The following RBFOX1 variants were observed in gnomAD, a reference collection of about 807,000 sequenced individuals.
RBFOX1 encodes RNA binding fox-1 homolog 1.
Under a neutral mutation model 57.7 loss-of-function variants are expected in RBFOX1, and 8 were observed. That is an observed-to-expected ratio of 0.14 (90% CI 0.08 to 0.25). RBFOX1 has a LOEUF of 0.25. RBFOX1 is among the 10% of genes least tolerant of loss of function. RBFOX1 has a pLI of 1.00. For synonymous variants in RBFOX1, 326 were observed against 222.4 expected, an observed-to-expected ratio of 1.47 and a Z score of -4.15; for missense variants, 611 against 548.5, an observed-to-expected ratio of 1.11 and a Z score of -1.14.
At chr16:5,821,497 CT>C (rs1339253587) in intron 3 of RBFOX1, among the ~76,000 whole-genome samples, 1 of 151,946 alleles carries the variant, frequency 6.6e-6, no homozygotes, top group Non-Finnish European at 1.5e-5. Context: ...GACATGAGGT[CT>C]TGCTATGGTG....
chr16:7,045,224 G>T (rs2047499717), intron 3 of RBFOX1, among the ~76,000 whole-genome samples: 1 of 152,110 alleles, frequency 6.6e-6, no homozygotes, highest in Non-Finnish European at 1.5e-5. Context: ...GGAGTATGGT[G>T]GTGGTGGTGG....
At chr16:6,707,400 T>A (rs1450554368) in intron 3 of RBFOX1, among the ~76,000 whole-genome samples, 7 of 152,028 alleles carry the variant, frequency 4.6e-5, no homozygotes, top group Admixed American at 4.6e-4. Context: ...AAATCATACG[T>A]TAACAGCTCC....
chr16:6,094,636 C>G (rs369534136), intron 1 of RBFOX1, among the ~76,000 whole-genome samples: 1 of 152,126 alleles, frequency 6.6e-6, no homozygotes, highest in Non-Finnish European at 1.5e-5. Flanking sequence ...GTTTTTATTC[C>G]AAGTTCTCCA....
intron 3 of RBFOX1, chr16:6,775,792 G>A (rs543717319): frequency 3.9e-5 from 6 of 152,320 alleles, no homozygotes; most frequent in East Asian, 1.9e-4. Context: ...ACAAATGCGT[G>A]AACCACAGTC....
At chr16:6,709,942 T>C (rs1023082640) in intron 3 of RBFOX1, among the ~76,000 whole-genome samples, 13 of 152,144 alleles carry the variant, frequency 8.5e-5, no homozygotes, top group African/African-American at 2.9e-4. Flanking sequence ...GTGAATCACT[T>C]GGCAATTTTG....
intron 4 of RBFOX1, among the ~76,000 whole-genome samples, chr16:7,282,217 C>T (rs1010356243): frequency 6.6e-6 from 1 of 152,104 alleles, no homozygotes; most frequent in African/African-American, 2.4e-5. Flanking sequence ...CCGCCCCAAA[C>T]CCATTTTCTT....
At chr16:7,391,902 A>G (rs1391863204) in intron 4 of RBFOX1, among the ~76,000 whole-genome samples, 4 of 133,184 alleles carry the variant, frequency 3.0e-5, no homozygotes, top group Non-Finnish European at 6.9e-5. Context: ...GGTAAGGGAC[A>G]AGGATATCAA....
intron 4 of RBFOX1, among the ~76,000 whole-genome samples, chr16:7,302,641 A>C (rs138252491): frequency 0.013 from 1,972 of 152,194 alleles, 16 homozygotes; most frequent in South Asian, 0.029. Context: ...AACAAAAAAA[A>C]AAAAAAAGAA....
intron 4 of RBFOX1, among the ~76,000 whole-genome samples, chr16:7,242,579 C>T (rs556578726): frequency 3.9e-5 from 6 of 152,318 alleles, no homozygotes; most frequent in African/African-American, 9.6e-5. Context: ...GAGGTCTCTT[C>T]GCCATTGGCT....
At position 6,769,913 on chromosome 16, in the gene RBFOX1, C is replaced by G. The variant is rs370066902; in HGVS notation, c.-16+115263C>G. Among the ~76,000 whole-genome samples the G allele has an allele frequency of 4.0e-4, 61 of 152,234 alleles. 1 individual carries two copies. The highest frequency in any genetic ancestry group is 1.4e-3 in the African/African-American group (58 of 41,538). On this transcript the variant is annotated intron_variant, in intron 3 of 15. Coordinates refer to ENST00000550418, the MANE Select transcript of RBFOX1 (RefSeq NM_018723.4). ...AAGTTCAGATTTATTTCTCATAAGTCTGTTGTTTAGAGGGGGATTTCGTGA... is the reference window on the plus strand; with the variant it reads ...AAGTTCAGATTTATTTCTCATAAGTGTGTTGTTTAGAGGGGGATTTCGTGA...
chr16:6,466,054 C>A (rs1241705142), intron 2 of RBFOX1, among the ~76,000 whole-genome samples: 2 of 151,832 alleles, frequency 1.3e-5, no homozygotes, highest in African/African-American at 2.4e-5. Flanking sequence ...CATGGTGAAA[C>A]CCCATCTCTA....
chr16:6,097,929 T>C lies in RBFOX1; in HGVS notation c.-127+77937T>C, dbSNP rs1020696930. On this transcript the variant is annotated intron_variant, in intron 1 of 15. Coordinates refer to ENST00000550418, the MANE Select transcript of RBFOX1 (RefSeq NM_018723.4). This position sits in a 1 kb window ranked among gnomAD's most constrained non-coding sequence, Gnocchi z 5.0. ...ATATTTAGCAAGCATCAATGAGTCC[T>C]GGAGGGCTTTTAAACCATAGATGAT... Among the ~76,000 whole-genome samples the C allele has an allele frequency of 6.6e-6, 1 of 152,188 alleles. No homozygotes were observed. The highest frequency in any genetic ancestry group is 1.5e-5 in the Non-Finnish European group (1 of 68,028).
chr16:6,213,034 G>C (rs1339813526), intron 1 of RBFOX1, among the ~76,000 whole-genome samples: 1 of 152,150 alleles, frequency 6.6e-6, no homozygotes, highest in Non-Finnish European at 1.5e-5. Context: ...TCCCTGCGTT[G>C]TAACCTTGTA....
chr16:6,426,432 A>T (rs2093930748), intron 2 of RBFOX1, among the ~76,000 whole-genome samples: 1 of 152,102 alleles, frequency 6.6e-6, no homozygotes, highest in African/African-American at 2.4e-5. Flanking sequence ...GAAAGAGATA[A>T]TCTAGGAGTC....
intron 4 of RBFOX1, among the ~76,000 whole-genome samples, chr16:7,504,756 T>A (rs1600244578): frequency 1.1e-5 from 1 of 87,622 alleles, no homozygotes; most frequent in Middle Eastern, 4.2e-3. Context: ...TATATATATT[T>A]ATATATATAT....
chr16:5,248,706 A>G (rs897692849), intron 1 of RBFOX1, among the ~76,000 whole-genome samples: 2 of 152,032 alleles, frequency 1.3e-5, no homozygotes, highest in Non-Finnish European at 2.9e-5. Context: ...TTAGGACAAG[A>G]GGGCCGGGCA....
intron 3 of RBFOX1, among the ~76,000 whole-genome samples, chr16:5,705,452 G>T (rs79699503): frequency 0.031 from 4,688 of 152,126 alleles, 124 homozygotes; most frequent in Non-Finnish European, 0.045. Flanking sequence ...TGCGGAGAAG[G>T]GGTTCTCACT....
chr16:6,145,716 T>A (rs543788721), intron 1 of RBFOX1, among the ~76,000 whole-genome samples: 1 of 152,158 alleles, frequency 6.6e-6, no homozygotes, highest in Non-Finnish European at 1.5e-5. Context: ...ATGGCATACG[T>A]CCATTATTTA....
At chr16:5,525,392 G>A (rs896493019) in intron 2 of RBFOX1, among the ~76,000 whole-genome samples, 1 of 151,866 alleles carries the variant, frequency 6.6e-6, no homozygotes, top group South Asian at 2.1e-4. Flanking sequence ...TTATAGTGGG[G>A]GAAACAGATG....
Sources: gnomAD v4.1 joint callset for allele counts (sites outside exome capture counted in the v4.1 genomes callset) on GRCh38, gnomAD v4.1.1 for gene constraint, Gnocchi (gnomAD v3.1) non-coding constraint, MANE v1.5 for transcripts, NCBI Gene and HGNC (gene_info 2026-07-23, HGNC 2026-07-21) for gene names.